The following SPAG16 variants were observed in gnomAD, a reference collection of about 807,000 sequenced individuals.
SPAG16 encodes the protein sperm-associated antigen 16 protein.
In SPAG16, 86 loss-of-function variants were observed where a neutral mutation model predicts 80.4. The observed-to-expected ratio is 1.07, with a 90% CI of 0.90 to 1.28. The LOEUF is 1.28. SPAG16 is among the 50% of genes most tolerant of loss of function. The pLI is 0.00. For synonymous variants in SPAG16, 294 were observed against 265.9 expected, an observed-to-expected ratio of 1.11 and a Z score of -1.03; for missense variants, 870 against 765.3, an observed-to-expected ratio of 1.14 and a Z score of -1.61.
chr2:213,295,569 T>G (rs1226356204), intron 1 of SPAG16, among the ~76,000 whole-genome samples: 2 of 152,124 alleles, frequency 1.3e-5, no homozygotes, highest in African/African-American at 4.8e-5. Context: ...GTTTTTTTCT[T>G]AAATATTGGC....
chr2:213,357,683 A>C (rs1030322901), intron 7 of SPAG16, among the ~76,000 whole-genome samples: 28 of 152,108 alleles, frequency 1.8e-4, no homozygotes, highest in Admixed American at 1.2e-3. Context: ...TGAATACAGC[A>C]CACTGATGGG....
intron 12 of SPAG16, among the ~76,000 whole-genome samples, chr2:213,987,807 A>T (rs1187657391): frequency 6.8e-6 from 1 of 147,888 alleles, no homozygotes; most frequent in East Asian, 1.9e-4. Context: ...ATTATAAAAT[A>T]TAAAATATAT....
In SPAG16 at chr2:213,544,271, T is replaced by C. The variant is rs2076544167; in HGVS notation, c.1070+54181T>C. The stretch of plus-strand genomic sequence containing the variant: ...AAAAACTGTTATTCCTGCATAATCT[T>C]TCTTCATAATATTCCTGCTTATATT... On this transcript the variant is annotated intron_variant, in intron 10 of 15. Coordinates refer to ENST00000331683, the MANE Select transcript of SPAG16 (RefSeq NM_024532.5). 1.3e-5 allele frequency among the ~76,000 whole-genome samples: 2 copies of C among 152,118 alleles called. 1 individual carries two copies. The highest frequency in any genetic ancestry group is 4.1e-4 in the South Asian group (2 of 4,830).
At chr2:214,379,902 A>G (rs1023381197) in intron 15 of SPAG16, among the ~76,000 whole-genome samples, 3 of 152,112 alleles carry the variant, frequency 2.0e-5, no homozygotes, top group Admixed American at 6.6e-5. Context: ...ACAACACACA[A>G]ATCACCCCAA....
chr2:213,984,863 G>A (rs1198876445), intron 12 of SPAG16, among the ~76,000 whole-genome samples: 1 of 151,930 alleles, frequency 6.6e-6, no homozygotes, highest in East Asian at 1.9e-4. Context: ...TACTGTACCT[G>A]GAAATCCCTT....
At chr2:213,589,241 A>G (rs1211988422) in intron 10 of SPAG16, among the ~76,000 whole-genome samples, 1 of 152,196 alleles carries the variant, frequency 6.6e-6, no homozygotes, top group Non-Finnish European at 1.5e-5. Context: ...AGAAAATTAG[A>G]TCACAATGTG....
intron 10 of SPAG16, among the ~76,000 whole-genome samples, chr2:213,693,665 C>T (rs1383799258): frequency 1.3e-5 from 2 of 152,164 alleles, no homozygotes; most frequent in African/African-American, 4.8e-5. Context: ...TAAGTCAAGT[C>T]AACAGTGGGC....
At chr2:213,588,755 T>C (rs889115750) in intron 10 of SPAG16, among the ~76,000 whole-genome samples, 1 of 128,866 alleles carries the variant, frequency 7.8e-6, no homozygotes, top group African/African-American at 2.9e-5. Flanking sequence ...TGAGCCGAGA[T>C]TGCGCCACTG....
chr2:214,105,449 A>G (rs944741266), intron 13 of SPAG16, among the ~76,000 whole-genome samples: 1 of 152,162 alleles, frequency 6.6e-6, no homozygotes, highest in Non-Finnish European at 1.5e-5. Context: ...CCATTATCTC[A>G]TTGTACATAT....
intron 12 of SPAG16, among the ~76,000 whole-genome samples, chr2:213,997,791 A>C (rs746042281): frequency 6.6e-6 from 1 of 151,994 alleles, no homozygotes; most frequent in Non-Finnish European, 1.5e-5. Flanking sequence ...TTAGTAATTT[A>C]TGTTGGACCA....
At chr2:214,046,626 A>T (rs1033036824) in intron 13 of SPAG16, among the ~76,000 whole-genome samples, 2 of 152,210 alleles carry the variant, frequency 1.3e-5, no homozygotes, top group African/African-American at 4.8e-5. Flanking sequence ...CTCTAAGATG[A>T]GGAACATGAC....
intron 10 of SPAG16, among the ~76,000 whole-genome samples, chr2:213,857,891 T>C (rs1012216064): frequency 4.6e-5 from 7 of 152,142 alleles, no homozygotes; most frequent in African/African-American, 7.2e-5. Flanking sequence ...TGATGCAAAC[T>C]CTCATGGATG....
At chr2:213,673,821 C>T (rs1357092655) in intron 10 of SPAG16, among the ~76,000 whole-genome samples, 1 of 151,580 alleles carries the variant, frequency 6.6e-6, no homozygotes, top group Non-Finnish European at 1.5e-5. Context: ...AAATAAAGAA[C>T]ATTGGAAAAA....
intron 3 of SPAG16, among the ~76,000 whole-genome samples, chr2:213,299,504 T>G (rs1360657032): frequency 6.6e-6 from 1 of 151,810 alleles, no homozygotes; most frequent in Non-Finnish European, 1.5e-5. Context: ...GGTCTCGATC[T>G]CCTGACCTCG....
intron 5 of SPAG16, among the ~76,000 whole-genome samples, chr2:213,325,285 A>G (rs1246533154): frequency 6.6e-6 from 1 of 152,002 alleles, no homozygotes; most frequent in Non-Finnish European, 1.5e-5. Context: ...TGTTGAATAT[A>G]TCATTTTCTA....
At chr2:213,720,360 G>A (rs189701072) in intron 10 of SPAG16, among the ~76,000 whole-genome samples, 1 of 151,978 alleles carries the variant, frequency 6.6e-6, no homozygotes, top group Admixed American at 6.6e-5. Flanking sequence ...AGGCGCAGTG[G>A]CTAACACCTG....
chr2:213,652,036 T>C (rs2063042784), intron 10 of SPAG16, among the ~76,000 whole-genome samples: 1 of 152,180 alleles, frequency 6.6e-6, no homozygotes, highest in African/African-American at 2.4e-5. Context: ...TTAATGATTT[T>C]GTCCCCCTTA....
At chr2:214,039,593 C>A (rs1173761441) in intron 13 of SPAG16, among the ~76,000 whole-genome samples, 1 of 152,168 alleles carries the variant, frequency 6.6e-6, no homozygotes, top group Non-Finnish European at 1.5e-5. Context: ...TGAACTCCAA[C>A]AAATTTACAA....
chr2:213,921,667 AATG>A (rs1481028456), intron 11 of SPAG16, among the ~76,000 whole-genome samples: 1 of 152,170 alleles, frequency 6.6e-6, no homozygotes, highest in Non-Finnish European at 1.5e-5. Flanking sequence ...AGTGGCTGAT[AATG>A]ATCTTTCTTT....
Sources: allele counts gnomAD v4.1 joint callset (sites outside exome capture counted in the v4.1 genomes callset), GRCh38; gene constraint gnomAD v4.1.1; transcripts MANE v1.5; gene names NCBI Gene and HGNC (gene_info 2026-07-23, HGNC 2026-07-21).